The following CNTNAP2 variants were observed in gnomAD, a reference collection of about 807,000 sequenced individuals.
The protein encoded by CNTNAP2 is contactin-associated protein-like 2.
CNTNAP2 carries 98 observed loss-of-function variants against 155.2 expected under a neutral mutation model. The observed-to-expected ratio is 0.63, with a 90% CI of 0.54 to 0.75. CNTNAP2 has a LOEUF of 0.75. Ranked by LOEUF, CNTNAP2 falls within the 30% of genes least tolerant of loss-of-function variation. The probability of loss-of-function intolerance (pLI) is 0.00; values close to 1 mark genes in which losing one functional copy is unlikely to be tolerated. For missense variants in CNTNAP2, 1,727 were observed against 1,688.1 expected (o/e 1.02, Z -0.40); for synonymous variants, 651 against 631.2 (o/e 1.03, Z -0.47).
Position 148,298,459 on chromosome 7 carries a change from C to T in CNTNAP2, c.3475+31333C>T, listed in dbSNP as rs192840339. Reference sequence around the variant, plus strand: ...CAAGAACTATCTTTCTAATTTTTTCCATCTTCTCCTCCCTGCTTTATTCTA... The same window carrying T: ...CAAGAACTATCTTTCTAATTTTTTCTATCTTCTCCTCCCTGCTTTATTCTA... On this transcript the variant is annotated intron_variant, in intron 21 of 23. Transcript: ENST00000361727. 3.8e-4 allele frequency among the ~76,000 whole-genome samples: 58 copies of T among 152,048 alleles called. No homozygotes were observed. In the East Asian group the frequency reaches 9.8e-3, roughly 26 times the overall value.
At chr7:146,455,972 T>G (rs996359437) in intron 1 of CNTNAP2, among the ~76,000 whole-genome samples, 3 of 152,202 alleles carry the variant, frequency 2.0e-5, no homozygotes, top group Non-Finnish European at 2.9e-5. Context: ...TTATACCATA[T>G]TGGCTATAAA....
At chr7:146,410,842 A>G (rs919619454) in intron 1 of CNTNAP2, among the ~76,000 whole-genome samples, 1 of 152,162 alleles carries the variant, frequency 6.6e-6, no homozygotes, top group Admixed American at 6.5e-5. Context: ...TTCCGATTCC[A>G]TAGATAAGTG....
At chr7:146,911,270 T>A (rs1585152954) in intron 3 of CNTNAP2, among the ~76,000 whole-genome samples, 1 of 152,052 alleles carries the variant, frequency 6.6e-6, no homozygotes, top group Non-Finnish European at 1.5e-5. Context: ...GATCTAGAAC[T>A]AGAAATACCA....
At chr7:148,045,313 G>C (rs909797037) in intron 15 of CNTNAP2, among the ~76,000 whole-genome samples, 1 of 150,852 alleles carries the variant, frequency 6.6e-6, no homozygotes, top group African/African-American at 2.4e-5. Flanking sequence ...CCTGCTGAGA[G>C]TTCTAATGGG....
rs745449281 is a variant in CNTNAP2 at position 146,121,119 on chromosome 7, C to CTTTTT, written c.97+4169_97+4173dup. Among the ~76,000 whole-genome samples, 323 of 65,768 alleles carry CTTTTT rather than the reference C, an allele frequency of 4.9e-3. 41 individuals are homozygous for CTTTTT. Among genetic ancestry groups the CTTTTT allele is most frequent in the African/African-American group, 0.016 (308 of 19,260 alleles). 43.1% of individuals were successfully genotyped at this position (65,768 alleles called of 152,430 possible). A position where few individuals can be genotyped will look rare whatever the true frequency, so the allele number is the denominator to read the frequency against. ...TGTCTTAAAGTTTACATAAAGCTTC[C>CTTTTT]TTTTTTTTTTTTTTTTTTTTTTTTT... On this transcript the variant is annotated intron_variant, in intron 1 of 23. Transcript: ENST00000361727.
chr7:147,550,183 T>C (rs1446125790), intron 11 of CNTNAP2, among the ~76,000 whole-genome samples: 1 of 152,204 alleles, frequency 6.6e-6, no homozygotes, highest in East Asian at 1.9e-4. Flanking sequence ...TGGGATTTGT[T>C]AATTATTTTT....
chr7:146,752,312 G>T (rs977568809), intron 1 of CNTNAP2, among the ~76,000 whole-genome samples: 6 of 151,970 alleles, frequency 3.9e-5, no homozygotes, highest in African/African-American at 1.5e-4. Flanking sequence ...TTTAATAATT[G>T]CCATTCTGAC....
chr7:146,359,942 C>CT (rs1442511016), intron 1 of CNTNAP2, among the ~76,000 whole-genome samples: 2 of 152,146 alleles, frequency 1.3e-5, no homozygotes, highest in African/African-American at 4.8e-5. Flanking sequence ...TGACTGATCT[C>CT]TTTGATTTAT....
At chr7:147,393,357 C>A (rs1563187518) in intron 9 of CNTNAP2, among the ~76,000 whole-genome samples, 4 of 151,668 alleles carry the variant, frequency 2.6e-5, no homozygotes, top group Non-Finnish European at 4.4e-5. Context: ...TTAATTATAC[C>A]CAATTTGTAG....
intron 15 of CNTNAP2, among the ~76,000 whole-genome samples, chr7:148,092,353 G>T (rs1014075638): frequency 6.6e-6 from 1 of 152,124 alleles, no homozygotes; most frequent in Non-Finnish European, 1.5e-5. Context: ...TTAATGAGTG[G>T]CATGATTCCA....
intron 13 of CNTNAP2, among the ~76,000 whole-genome samples, chr7:147,852,034 T>A (rs1016711254): frequency 3.3e-5 from 5 of 152,176 alleles, no homozygotes; most frequent in South Asian, 2.1e-4. Flanking sequence ...TCCCAAAATA[T>A]AGTTGCTTGA....
At chr7:147,115,709 A>G (rs895377683) in intron 5 of CNTNAP2, among the ~76,000 whole-genome samples, 9 of 152,126 alleles carry the variant, frequency 5.9e-5, no homozygotes, top group Non-Finnish European at 1.2e-4. Context: ...ATCAGATCCC[A>G]TATTGTATTA....
intron 1 of CNTNAP2, among the ~76,000 whole-genome samples, chr7:146,483,252 G>A (rs1796992615): frequency 8.0e-6 from 1 of 125,470 alleles, no homozygotes; most frequent in South Asian, 2.7e-4. Flanking sequence ...CTCCAGCCTG[G>A]GCAACAGAGC....
intron 14 of CNTNAP2, among the ~76,000 whole-genome samples, chr7:147,917,763 A>G (rs969154412): frequency 1.3e-5 from 2 of 152,168 alleles, no homozygotes; most frequent in Non-Finnish European, 2.9e-5. Context: ...AATTCTTCAA[A>G]GGGGCCCTGC....
rs138257342 is a variant in CNTNAP2 at position 146,635,686 on chromosome 7, G to A, written c.98-138585G>A. Among the ~76,000 whole-genome samples, 351 of 152,214 alleles carry A rather than the reference G, an allele frequency of 2.3e-3. 1 individual carries two copies. Among genetic ancestry groups the A allele is most frequent in the African/African-American group, 7.9e-3 (329 of 41,544 alleles). On this transcript the variant is annotated intron_variant, in intron 1 of 23. Transcript: ENST00000361727. ...TCACAGCAAAGCCCGTATGCTCCAG[G>A]AATTGTTAGTAATTGCTGTGTTTGT...
chr7:147,176,674 TTATATAA>T (rs1268787378), intron 8 of CNTNAP2, among the ~76,000 whole-genome samples: 1 of 101,980 alleles, frequency 9.8e-6, no homozygotes, highest in African/African-American at 4.7e-5. Context: ...ATTCTGTATT[TTATATAA>T]TATATAATAG....
chr7:147,404,799 C>T (rs1044945594), intron 10 of CNTNAP2, among the ~76,000 whole-genome samples: 1 of 152,088 alleles, frequency 6.6e-6, no homozygotes, highest in African/African-American at 2.4e-5. Context: ...CTAAAAGTAT[C>T]ACATACCCAG....
At position 147,220,529 on chromosome 7, in the gene CNTNAP2, A is replaced by G. The variant is rs534938782; in HGVS notation, c.1349-79612A>G. On this transcript the variant is annotated intron_variant, in intron 8 of 23. Coordinates refer to ENST00000361727, the MANE Select transcript of CNTNAP2 (RefSeq NM_014141.6). ...ATCTACCAGCATACCAACTATACCA[A>G]TTGATATAGTTGAAGAATTAATAGT... is the stretch of plus-strand genomic sequence containing the variant. Among the ~76,000 whole-genome samples, 17 of 152,302 alleles carry G rather than the reference A, an allele frequency of 1.1e-4. No homozygotes were observed. In the South Asian group the frequency reaches 2.9e-3, roughly 26 times the overall value.
intron 20 of CNTNAP2, among the ~76,000 whole-genome samples, chr7:148,248,443 T>G (rs1021980234): frequency 4.6e-5 from 7 of 152,104 alleles, no homozygotes; most frequent in African/African-American, 1.7e-4. Context: ...ATGATCTGCC[T>G]GCCTCGGCCT....
Sources: allele counts gnomAD v4.1 joint callset (sites outside exome capture counted in the v4.1 genomes callset), GRCh38; gene constraint gnomAD v4.1.1; transcripts MANE v1.5; gene names NCBI Gene and HGNC (gene_info 2026-07-23, HGNC 2026-07-21).